Variants in OGA observed in about 807,000 individuals in gnomAD.
The protein encoded by OGA is protein O-GlcNAcase.
Under a neutral mutation model 102.0 loss-of-function variants are expected in OGA, and 21 were observed. The ratio of observed to expected loss-of-function variants is 0.21; its 90% CI spans 0.15 to 0.30. The LOEUF (loss-of-function observed/expected upper bound fraction) is 0.30, where lower values mean the gene tolerates loss of function less well. Among genes scored for constraint, OGA ranks in the 10% least tolerant of loss-of-function variants. The pLI, the probability that OGA is intolerant of heterozygous loss-of-function variation, is 1.00. For synonymous variants in OGA, 408 were observed against 378.2 expected (o/e 1.08, Z -0.91); for missense variants, 765 against 1,107.8 (o/e 0.69, Z 4.39).
In OGA at chr10:101,818,235, G is replaced by A. The variant is rs2065669179; in HGVS notation, c.-213C>T. 2 of 1,336,292 alleles carry A rather than the reference G, an allele frequency of 1.5e-6. No individual in the cohort carries two copies. Among genetic ancestry groups the A allele is most frequent in the African/African-American group, 1.5e-5 (1 of 65,018 alleles). 82.8% of individuals were successfully genotyped at this position (1,336,292 alleles called of 1,614,324 possible). A position where few individuals can be genotyped will look rare whatever the true frequency, so the allele number is the denominator to read the frequency against. On this transcript the variant is annotated 5_prime_UTR_variant, in exon 1 of 16. Coordinates refer to ENST00000361464, the MANE Select transcript of OGA (RefSeq NM_012215.5). The stretch of plus-strand genomic sequence containing the variant: ...CACCGGCGCGAGCCCTTTGTCAGCC[G>A]CAGCCTCGGCTTTAAGCTGGGGCGC...
intron 4 of OGA, among the ~76,000 whole-genome samples, chr10:101,809,036 G>A (rs555663419): frequency 6.6e-6 from 1 of 152,022 alleles, no homozygotes; most frequent in South Asian, 2.1e-4. Context: ...TTTACATTAA[G>A]CAGACTTTAC....
At chr10:101,796,893 T>C (rs565320325) in intron 10 of OGA, among the ~76,000 whole-genome samples, 2 of 152,220 alleles carry the variant, frequency 1.3e-5, no homozygotes, top group South Asian at 4.2e-4. Flanking sequence ...CCCGAAGCTA[T>C]ACAGAGCCTT....
intron 5 of OGA, among the ~76,000 whole-genome samples, chr10:101,806,366 C>T (rs1365903143): frequency 6.6e-6 from 1 of 152,176 alleles, no homozygotes; most frequent in African/African-American, 2.4e-5. Context: ...CCACGCCCGG[C>T]TAATTTTTTT....
chr10:101,794,508 A>G (rs1253091824), intron 10 of OGA, among the ~76,000 whole-genome samples: 1 of 152,248 alleles, frequency 6.6e-6, no homozygotes, highest in African/African-American at 2.4e-5. Context: ...ATAAAATACA[A>G]GAAATTAAGT....
At chr10:101,789,435 T>A (rs978896568) in intron 14 of OGA, among the ~76,000 whole-genome samples, 2 of 151,834 alleles carry the variant, frequency 1.3e-5, no homozygotes, top group African/African-American at 4.8e-5. Flanking sequence ...GAGGTGGAGG[T>A]TGCGGTGAGC....
At chr10:101,787,681 T>C in intron 14 of OGA, 158 bp from the exon 15 acceptor site, 1 of 650,446 alleles carries the variant, frequency 1.5e-6, no homozygotes, top group Non-Finnish European at 2.5e-6. Context: ...AGCTGAAGCA[T>C]TTTCACTTTC....
Position 101,813,609 on chromosome 10 carries a change from A to G in OGA, c.200-3T>C, listed in dbSNP as rs1009109590. 7 of 1,535,842 alleles carry G rather than the reference A, an allele frequency of 4.6e-6. No individual in the cohort carries two copies. The African/African-American group carries it at 9.6e-5, about 21-fold the overall frequency. On this transcript the variant is annotated splice_region_variant and splice_polypyrimidine_tract_variant and intron_variant, in intron 1 of 15. Coordinates refer to ENST00000361464, the MANE Select transcript of OGA (RefSeq NM_012215.5). ...AACCCAAGGTCTTCCATAAAATCCT[A>G]GATTCAAAGTAAGAATGAAATTATA...
intron 8 of OGA, 118 bp downstream of exon 8, chr10:101,800,124 C>T (rs2065370441): frequency 5.4e-6 from 6 of 1,115,138 alleles, no homozygotes; most frequent in East Asian, 4.9e-5. Flanking sequence ...CCGCCTGCCT[C>T]GGCCTCCCAA....
At chr10:101,812,715 G>T in intron 3 of OGA, 1 of 409,986 alleles carries the variant, frequency 2.4e-6, no homozygotes, top group Admixed American at 3.3e-5. Context: ...CTTGCCCTGG[G>T]CCTAGCCCAG....
In OGA at chr10:101,798,074, A is replaced by G; in HGVS notation, c.1890T>C (p.Asn630=). The change falls in exon 10 of 16, where the codon AAT becomes AAC. Residue 630 remains asparagine, a synonymous_variant. Transcript: ENST00000361464. ...LVMGMFTRLS[N]CANRTILYDM... ...CATAAAGAATTGTCCTGTTGGCACA[A>G]TTGGAGAGCCGAGTGAACATTCCCA... 6.2e-7 allele frequency: 1 copy of G among 1,614,140 alleles called. No individual in the cohort carries two copies. Among genetic ancestry groups the G allele is most frequent in the South Asian group, 1.1e-5 (1 of 91,090 alleles).
intron 6 of OGA, among the ~76,000 whole-genome samples, chr10:101,804,236 T>C (rs894972924): frequency 1.7e-4 from 25 of 151,484 alleles, no homozygotes; most frequent in African/African-American, 4.6e-4. Context: ...TAAAATATAC[T>C]GCATATATAA....
At chr10:101,812,825 C>A in intron 3 of OGA, 1 of 639,096 alleles carries the variant, frequency 1.6e-6, no homozygotes, top group Non-Finnish European at 2.9e-6. Flanking sequence ...GCCTAGCACG[C>A]CCATGATATC....
Position 101,805,891 on chromosome 10 carries a change from C to T in OGA, c.751+154G>A, listed in dbSNP as rs186230142. Among the ~76,000 whole-genome samples the T allele has an allele frequency of 6.4e-3, 970 of 151,796 alleles. 10 individuals are homozygous for T. Among genetic ancestry groups the T allele is most frequent in the African/African-American group, 0.02 (831 of 41,396 alleles). On this transcript the variant is annotated intron_variant, in intron 6 of 15. Coordinates refer to ENST00000361464, the MANE Select transcript of OGA (RefSeq NM_012215.5). ...AATGGTGTGAACCTGGGAGGCGGAGCGTGCAGTGAGCCGAGATCATGCCAC... is the reference window on the plus strand; with the variant it reads ...AATGGTGTGAACCTGGGAGGCGGAGTGTGCAGTGAGCCGAGATCATGCCAC...
In OGA at chr10:101,784,911, TA is replaced by T. The variant is rs1406792111; in HGVS notation, c.*1539del. On this transcript the variant is annotated 3_prime_UTR_variant, in exon 16 of 16. Coordinates refer to ENST00000361464, the MANE Select transcript of OGA (RefSeq NM_012215.5). ...TTCTATCGGTTAAAGGTTTCTAACCTAAAAACCTTCTCTCCTTTCTTCTCAC... is the reference window on the plus strand; with the variant it reads ...TTCTATCGGTTAAAGGTTTCTAACCTAAAACCTTCTCTCCTTTCTTCTCAC... 1 of 152,224 alleles carries T rather than the reference TA, an allele frequency of 6.6e-6. No homozygotes were observed. The highest frequency in any genetic ancestry group is 1.5e-5 in the Non-Finnish European group (1 of 68,034). The allele number at this position is 152,224 out of a possible 1,614,324, so 9.4% of individuals were successfully genotyped here. A position where few individuals can be genotyped will look rare whatever the true frequency, so the allele number is the denominator to read the frequency against.
intron 1 of OGA, among the ~76,000 whole-genome samples, chr10:101,816,249 C>T (rs975133408): frequency 1.3e-5 from 2 of 152,066 alleles, no homozygotes; most frequent in African/African-American, 4.8e-5. Flanking sequence ...GGCGACAGAG[C>T]GAGACTCCGT....
At chr10:101,812,983 G>T (rs1258256229) in intron 3 of OGA, 47 bp downstream of exon 3, 1 of 1,361,028 alleles carries the variant, frequency 7.3e-7, no homozygotes, top group Non-Finnish European at 1.0e-6. Flanking sequence ...AAATATAACC[G>T]TTTTCTTCAC....
rs2065189021 is a variant in OGA, at chr10:101,786,236, ATC to A, written c.*213_*214del. 2 of 408,060 alleles carry A rather than the reference ATC, an allele frequency of 4.9e-6. No individual in the cohort carries two copies. Among genetic ancestry groups the A allele is most frequent in the Admixed American group, 4.5e-5 (1 of 22,106 alleles). 25.3% of individuals were successfully genotyped at this position (408,060 alleles called of 1,614,324 possible). A position where few individuals can be genotyped will look rare whatever the true frequency, so the allele number is the denominator to read the frequency against. ...CACAAGACTCAAAAAGGAAGCCCACATCTCTCTTTCATACAGGATTTGCTGCA... is the reference window on the plus strand; with the variant it reads ...CACAAGACTCAAAAAGGAAGCCCACATCTCTTTCATACAGGATTTGCTGCA... On this transcript the variant is annotated 3_prime_UTR_variant, in exon 16 of 16. Coordinates refer to ENST00000361464, the MANE Select transcript of OGA (RefSeq NM_012215.5).
chr10:101,805,682 G>A (rs12246547), intron 6 of OGA, among the ~76,000 whole-genome samples: 33,303 of 149,908 alleles, frequency 0.22, 4,157 homozygotes, highest in Non-Finnish European at 0.29. Flanking sequence ...AAGGCCAGGC[G>A]TGGTGGCTCA....
intron 3 of OGA, chr10:101,812,812 T>C (rs1231093507): frequency 1.6e-6 from 1 of 617,826 alleles, no homozygotes. Flanking sequence ...ACAGATGGAG[T>C]CAGCCTAGCA....
Sources: allele counts gnomAD v4.1 joint callset (sites outside exome capture counted in the v4.1 genomes callset), GRCh38; gene constraint gnomAD v4.1.1; transcripts MANE v1.5; gene names NCBI Gene and HGNC (gene_info 2026-07-23, HGNC 2026-07-21).